The following PXDN variants were observed in gnomAD, a reference collection of about 807,000 sequenced individuals.
The protein encoded by PXDN is peroxidasin, also known as peroxidasin homolog.
Under a neutral mutation model 140.3 loss-of-function variants are expected in PXDN, and 77 were observed. The observed-to-expected ratio is 0.55, with a 90% confidence interval of 0.46 to 0.66. The LOEUF is 0.66. PXDN is among the 30% of genes least tolerant of loss of function. PXDN has a pLI of 0.00. For missense variants in PXDN, 1,838 were observed against 2,039.5 expected (o/e 0.90, Z 1.90); for synonymous variants, 911 against 857.4 (o/e 1.06, Z -1.09).
intron 1 of PXDN, 98 bp from the exon 2 acceptor site, chr2:1,693,232 T>A: frequency 1.0e-6 from 1 of 985,148 alleles, no homozygotes; most frequent in Non-Finnish European, 1.5e-6. Context: ...ACAATGCATT[T>A]AAAATATTAA....
chr2:1,674,552 T>C (rs1358885346), intron 8 of PXDN, among the ~76,000 whole-genome samples: 1 of 152,146 alleles, frequency 6.6e-6, no homozygotes, highest in Non-Finnish European at 1.5e-5. Context: ...CACACACACT[T>C]CGGGCAGCCA....
chr2:1,677,359 C>T (rs2125437882), intron 7 of PXDN, among the ~76,000 whole-genome samples: 1 of 152,330 alleles, frequency 6.6e-6, no homozygotes, highest in Admixed American at 6.5e-5. Flanking sequence ...AAGCCAAACA[C>T]CTGTGCGGAG....
intron 14 of PXDN, among the ~76,000 whole-genome samples, chr2:1,657,930 CTGCCCCCTCT>C (rs900606081): frequency 3.3e-5 from 5 of 150,468 alleles, no homozygotes; most frequent in Non-Finnish European, 7.4e-5. Context: ...TGACAGGAAC[CTGCCCCCTCT>C]TGCCCCCTCC....
At chr2:1,647,296 G>A (rs1255897471) in intron 17 of PXDN, among the ~76,000 whole-genome samples, 1 of 152,162 alleles carries the variant, frequency 6.6e-6, no homozygotes, top group East Asian at 1.9e-4. Flanking sequence ...TAGCAAAAAG[G>A]AGAGCCGCTG....
Position 1,660,790 on chromosome 2 carries a change from G to C in PXDN, c.1837+91C>G, listed in dbSNP as rs967993534. The C allele has an allele frequency of 1.4e-6, 2 of 1,463,270 alleles. No individual in the cohort carries two copies. Among genetic ancestry groups the C allele is most frequent in the African/African-American group, 2.8e-5 (2 of 71,000 alleles). The allele number at this position is 1,463,270 out of a possible 1,614,324, so 90.6% of individuals were successfully genotyped here. A position where few individuals can be genotyped will look rare whatever the true frequency, so the allele number is the denominator to read the frequency against. On this transcript the variant is annotated intron_variant, in intron 14 of 22. Coordinates refer to ENST00000252804, the MANE Select transcript of PXDN (RefSeq NM_012293.3). The surrounding 1 kb of genome is among the most constrained non-coding windows in gnomAD (Gnocchi z 4.6). ...TTTGTCTTCTGAATAATTCTGAACA[G>C]CCTAAGTCAACTGGCCTGGGACCAC...
chr2:1,643,529 T>C lies in PXDN; in HGVS notation c.3791A>G (p.Gln1264Arg), dbSNP rs1682777872. Residue 1264 changes from glutamine (Q) to arginine (R), a missense_variant, in exon 19 of 23, where the codon CAG (glutamine) becomes CGG (arginine). Around this residue, in one of 5 missense-constraint regions of PXDN, gnomAD observed 850 missense variants for 894.1 expected, o/e 0.95. Transcript: ENST00000252804. The part of the protein sequence containing the change: ...PGVFSPAQLT[Q>R]IKQTSLARIL... ...CCTGGCCAGCGACGTCTGCTTGATC[T>C]GAGTCAGCTGGGCCGGGGAGAACAC... The C allele has an allele frequency of 6.2e-7, 1 of 1,613,984 alleles. No individual in the cohort carries two copies. The highest frequency in any genetic ancestry group is 1.7e-5 in the Admixed American group (1 of 60,028).
chr2:1,652,256 C>G (rs938463595), intron 16 of PXDN, among the ~76,000 whole-genome samples: 2 of 152,132 alleles, frequency 1.3e-5, no homozygotes, highest in Non-Finnish European at 2.9e-5. Flanking sequence ...GTTTAAAGAT[C>G]TGATCCTGTA....
At chr2:1,720,661 G>GCATCTCTTTCTCTCTCTCTA (rs1442705484) in intron 1 of PXDN, among the ~76,000 whole-genome samples, 4 of 149,708 alleles carry the variant, frequency 2.7e-5, no homozygotes, top group African/African-American at 9.9e-5. Context: ...CTCTCTCTCT[G>GCATCTCTTTCTCTCTCTCTA]CATCTCTTTC....
At chr2:1,676,608 T>C (rs1353279617) in intron 8 of PXDN, 1 of 384,736 alleles carries the variant, frequency 2.6e-6, no homozygotes, top group African/African-American at 2.0e-5. Flanking sequence ...CTGCCAGACG[T>C]CAGCAGGCAG....
intron 1 of PXDN, among the ~76,000 whole-genome samples, chr2:1,708,327 C>T (rs1301534618): frequency 2.6e-5 from 4 of 152,198 alleles, no homozygotes; most frequent in African/African-American, 9.6e-5. Flanking sequence ...AAGAGGTTCG[C>T]CCTTTCATGT....
rs1684028134 is a variant in PXDN, at chr2:1,685,357, C to CG, written c.417-1207_417-1206insC. On this transcript the variant is annotated intron_variant, in intron 4 of 22. Transcript: ENST00000252804. This position sits in a 1 kb window ranked among gnomAD's most constrained non-coding sequence, Gnocchi z 5.1. ...GTGGGCGAGCATGACGGGCGGGCAC[C>CG]TGACGCGCGGGTCCCGAGGAAGGCC... Among the ~76,000 whole-genome samples the CG allele has an allele frequency of 6.6e-6, 1 of 152,232 alleles. No individual in the cohort carries two copies. The highest frequency in any genetic ancestry group is 1.5e-5 in the Non-Finnish European group (1 of 68,042).
In PXDN at chr2:1,633,133, G is replaced by A. The variant is rs149600588; in HGVS notation, c.*1071C>T. 0.024 allele frequency: 3,569 copies of A among 150,586 alleles called. 69 individuals carry two copies. Among genetic ancestry groups the A allele is most frequent in the Non-Finnish European group, 0.036 (2,462 of 67,712 alleles). 9.3% of individuals were successfully genotyped at this position (150,586 alleles called of 1,614,324 possible). On this transcript the variant is annotated 3_prime_UTR_variant, in exon 23 of 23. Coordinates refer to ENST00000252804, the MANE Select transcript of PXDN (RefSeq NM_012293.3). ...TGGACACAATTTCATAAAACATCAC[G>A]CATTTTAAAAATACAAATGAGGTAT...
intron 1 of PXDN, among the ~76,000 whole-genome samples, chr2:1,704,281 A>G (rs188703171): frequency 6.6e-4 from 42 of 64,046 alleles, no homozygotes; most frequent in African/African-American, 3.5e-3. Context: ...CTCCAGGTGA[A>G]GCGGGGGACA....
At chr2:1,720,685 T>TTCTCTCTGCATC (rs1558526182) in intron 1 of PXDN, among the ~76,000 whole-genome samples, 1 of 37,976 alleles carries the variant, frequency 2.6e-5, no homozygotes, top group African/African-American at 1.4e-4. Flanking sequence ...CTGCATCTCT[T>TTCTCTCTGCATC]TCTCTCTCTC....
intron 16 of PXDN, among the ~76,000 whole-genome samples, chr2:1,652,647 C>T (rs1306960373): frequency 2.6e-5 from 4 of 151,796 alleles, no homozygotes; most frequent in Non-Finnish European, 5.9e-5. Flanking sequence ...GCAGGAGCTG[C>T]GGAACATACA....
At chr2:1,709,705 G>C (rs963782852) in intron 1 of PXDN, among the ~76,000 whole-genome samples, 1 of 152,190 alleles carries the variant, frequency 6.6e-6, no homozygotes, top group African/African-American at 2.4e-5. Flanking sequence ...CAGGAGGGGA[G>C]GCTTTGGAGG....
At chr2:1,668,566 T>C (rs1240970258) in intron 9 of PXDN, among the ~76,000 whole-genome samples, 1 of 147,204 alleles carries the variant, frequency 6.8e-6, no homozygotes, top group Non-Finnish European at 1.5e-5. Context: ...GACAAAGGTC[T>C]AATATCCAGA....
intron 1 of PXDN, among the ~76,000 whole-genome samples, chr2:1,707,585 C>T (rs993231640): frequency 3.9e-5 from 6 of 152,176 alleles, no homozygotes; most frequent in African/African-American, 1.4e-4. Flanking sequence ...TTTGGAAGCA[C>T]GAGGTTGCCA....
chr2:1,726,141 C>T (rs1167139995), intron 1 of PXDN, among the ~76,000 whole-genome samples: 3 of 152,030 alleles, frequency 2.0e-5, no homozygotes, highest in African/African-American at 4.8e-5. Flanking sequence ...ATGTTTATTG[C>T]GGCACTATTC....
Sources: gnomAD v4.1 joint callset for allele counts (sites outside exome capture counted in the v4.1 genomes callset) on GRCh38, gnomAD v4.1.1 for gene constraint, gnomAD v4.1.1 regional missense constraint, Gnocchi (gnomAD v3.1) non-coding constraint, MANE v1.5 for transcripts, NCBI Gene and HGNC (gene_info 2026-07-23, HGNC 2026-07-21) for gene names.